PXN: variants seen among roughly 807,000 people sequenced by gnomAD.
PXN encodes paxillin.
Under a neutral mutation model 103.6 loss-of-function variants are expected in PXN, and 61 were observed. That is an observed-to-expected ratio of 0.59 (90% CI 0.48 to 0.73). PXN has a LOEUF of 0.73. Among genes scored for constraint, PXN ranks in the 30% least tolerant of loss-of-function variants. PXN has a pLI of 0.00. For synonymous variants in PXN, 562 were observed against 607.8 expected (o/e 0.92, Z 1.11); for missense variants, 1,274 against 1,460.3 (o/e 0.87, Z 2.08).
intron 1 of PXN, among the ~76,000 whole-genome samples, chr12:120,255,485 A>G (rs1182859): frequency 0.27 from 41,729 of 152,020 alleles, 8,428 homozygotes; most frequent in East Asian, 0.57. Context: ...CACAAGGTCA[A>G]GAGTTCAAGA....
chr12:120,263,880 G>A (rs915797687), intron 1 of PXN, among the ~76,000 whole-genome samples: 7 of 152,104 alleles, frequency 4.6e-5, no homozygotes, highest in African/African-American at 7.2e-5. Context: ...GAAACAGCAC[G>A]GGGACTGCCG....
chr12:120,223,138 G>A (rs755716677), intron 3 of PXN, 139 bp from the exon 4 acceptor site: 7 of 1,439,838 alleles, frequency 4.9e-6, no homozygotes, highest in African/African-American at 1.4e-5. Context: ...GGTAGGGAAG[G>A]GATGTGGTAA....
In PXN at chr12:120,216,621, C is replaced by T. The variant is rs961230648; in HGVS notation, c.1993-40G>A. 5.2e-5 allele frequency: 79 copies of T among 1,513,952 alleles called. No homozygotes were observed. The East Asian group carries it at 1.3e-3, about 25-fold the overall frequency. The allele number at this position is 1,513,952 out of a possible 1,614,324, so 93.8% of individuals were successfully genotyped here. ...GGAGGGAGAGCGATGAGGAAGAAAT[C>T]GCCAGCTCAGCCCACAGGGGTGGCG... On this transcript the variant is annotated intron_variant, in intron 8 of 14. Transcript: ENST00000637617. This position sits in a 1 kb window ranked among gnomAD's most constrained non-coding sequence, Gnocchi z 5.1.
rs926411628 is a variant in PXN, at chr12:120,219,053, C to G, written c.1716+154G>C. Reference sequence around the variant, plus strand: ...ATGCTGGGTCCACAGAGCCCACTGCCAAGTGCTGACTGTCAGGTCCGGCCA... The same window carrying G: ...ATGCTGGGTCCACAGAGCCCACTGCGAAGTGCTGACTGTCAGGTCCGGCCA... On this transcript the variant is annotated intron_variant, in intron 7 of 14. Coordinates refer to ENST00000637617, the MANE Select transcript of PXN (RefSeq NM_001385981.1). The surrounding 1 kb of genome is among the most constrained non-coding windows in gnomAD (Gnocchi z 6.5). Among the ~76,000 whole-genome samples the G allele has an allele frequency of 1.3e-5, 2 of 152,262 alleles. No homozygotes were observed.
In PXN at chr12:120,213,668, A is replaced by G. The variant is rs1286156219; in HGVS notation, c.2979+174T>C. ...GCTCCTGGTTTGTCCCAGCCTCAGT[A>G]CAAACCCTGGCCCAGGACCTACTGG... On this transcript the variant is annotated intron_variant, in intron 14 of 14. Coordinates refer to ENST00000637617, the MANE Select transcript of PXN (RefSeq NM_001385981.1). This position sits in a 1 kb window ranked among gnomAD's most constrained non-coding sequence, Gnocchi z 4.2. Among the ~76,000 whole-genome samples, 1 of 152,202 alleles carries G rather than the reference A, an allele frequency of 6.6e-6. No individual in the cohort carries two copies. Among genetic ancestry groups the G allele is most frequent in the Non-Finnish European group, 1.5e-5 (1 of 68,026 alleles).
At chr12:120,249,182 C>G (rs891763991) in intron 1 of PXN, among the ~76,000 whole-genome samples, 1 of 151,954 alleles carries the variant, frequency 6.6e-6, no homozygotes, top group South Asian at 2.1e-4. Context: ...CCACAAAACC[C>G]CTTTTGTAAT....
Position 120,215,994 on chromosome 12 carries a change from T to G in PXN, c.2301+279A>C, listed in dbSNP as rs1468217675. The G allele has an allele frequency of 8.1e-6, 11 of 1,360,020 alleles. No homozygotes were observed. The highest frequency in any genetic ancestry group is 5.9e-5 in the African/African-American group (4 of 67,530). The allele number at this position is 1,360,020 out of a possible 1,614,324, so 84.2% of individuals were successfully genotyped here. A position where few individuals can be genotyped will look rare whatever the true frequency, so the allele number is the denominator to read the frequency against. ...TTCTGGTCTCCCTTCTGGAGTGGCT[T>G]CTTTCCTCGATGGGAGCCCGGGGCA... On this transcript the variant is annotated intron_variant, in intron 9 of 14. Coordinates refer to ENST00000637617, the MANE Select transcript of PXN (RefSeq NM_001385981.1). The surrounding 1 kb of genome is among the most constrained non-coding windows in gnomAD (Gnocchi z 4.9).
At chr12:120,245,870 G>T (rs1024925234) in intron 1 of PXN, among the ~76,000 whole-genome samples, 1 of 151,984 alleles carries the variant, frequency 6.6e-6, no homozygotes, top group Non-Finnish European at 1.5e-5. Context: ...CATAGTACGG[G>T]TTTCATAATA....
Position 120,229,431 on chromosome 12 carries a change from C to T in PXN, c.14-5054G>A, listed in dbSNP as rs1470429713. ...TCTGAGGGGGTGGGAGGACCCAGAG[C>T]GATTCCATTCTCTCCTCCCAGGCTC... is the stretch of plus-strand genomic sequence containing the variant. On this transcript the variant is annotated intron_variant, in intron 1 of 14. Transcript: ENST00000637617. This position sits in a 1 kb window ranked among gnomAD's most constrained non-coding sequence, Gnocchi z 4.0. Among the ~76,000 whole-genome samples the T allele has an allele frequency of 3.9e-5, 6 of 152,242 alleles. No individual in the cohort carries two copies. The highest frequency in any genetic ancestry group is 5.9e-5 in the Non-Finnish European group (4 of 68,012).
intron 1 of PXN, among the ~76,000 whole-genome samples, chr12:120,259,878 T>A (rs959445060): frequency 3.9e-5 from 6 of 152,202 alleles, no homozygotes; most frequent in African/African-American, 1.4e-4. Flanking sequence ...TTCCTGATTC[T>A]CTCTTCCTCT....
chr12:120,222,506 G>T lies in PXN; in HGVS notation c.695+43C>A. On this transcript the variant is annotated intron_variant, in intron 5 of 14. Transcript: ENST00000637617. The surrounding 1 kb of genome is among the most constrained non-coding windows in gnomAD (Gnocchi z 4.7). ...CAGACACTGGACCCGGGGCAGGCTGGGCCAGCCCTTCCCCACCTGGGGAGG... is the reference window on the plus strand; with the variant it reads ...CAGACACTGGACCCGGGGCAGGCTGTGCCAGCCCTTCCCCACCTGGGGAGG... The T allele has an allele frequency of 6.5e-7, 1 of 1,543,482 alleles. No individual in the cohort carries two copies. The highest frequency in any genetic ancestry group is 2.0e-5 in the Admixed American group (1 of 50,172).
rs1881693213 is a variant in PXN, at chr12:120,214,287, C to T, written c.2749-70G>A. ...CTCACAACTGAGACGCCCAGCAAGG[C>T]CGTCCTTCCACCCGCAGCTCATAGC... On this transcript the variant is annotated intron_variant, in intron 12 of 14. Coordinates refer to ENST00000637617, the MANE Select transcript of PXN (RefSeq NM_001385981.1). The surrounding 1 kb of genome is among the most constrained non-coding windows in gnomAD (Gnocchi z 5.0). The T allele has an allele frequency of 7.4e-7, 1 of 1,360,212 alleles. No homozygotes were observed. 84.3% of individuals were successfully genotyped at this position (1,360,212 alleles called of 1,614,324 possible). A position where few individuals can be genotyped will look rare whatever the true frequency, so the allele number is the denominator to read the frequency against.
intron 1 of PXN, among the ~76,000 whole-genome samples, chr12:120,263,596 C>A (rs1046241938): frequency 6.6e-6 from 1 of 152,314 alleles, no homozygotes; most frequent in East Asian, 1.9e-4. Flanking sequence ...AGCCTCTCTT[C>A]GTCTCGGCTT....
intron 1 of PXN, among the ~76,000 whole-genome samples, chr12:120,243,227 T>C (rs1890464615): frequency 6.6e-6 from 1 of 152,218 alleles, no homozygotes; most frequent in South Asian, 2.1e-4. Context: ...TAGCTTAGTT[T>C]ATCTTCTTCA....
In PXN at chr12:120,224,305, G is replaced by T. The variant is rs768068233; in HGVS notation, c.86C>A (p.Thr29Asn). Residue 29 changes from threonine to asparagine, a missense_variant, in exon 2 of 15, where the codon ACC (threonine) becomes AAC (asparagine). Coordinates refer to ENST00000637617, the MANE Select transcript of PXN (RefSeq NM_001385981.1). This position sits in a 1 kb window ranked among gnomAD's most constrained non-coding sequence, Gnocchi z 5.0. ...GTTTCCAGTTGGGTATGAGTAGGGG[G>T]TCTCCTCCGACAAGAACACAGGCCG... ...SKRPVFLSEE[T>N]PYSYPTGNHT... is the part of the protein sequence containing the mutation. The T allele has an allele frequency of 6.2e-6, 10 of 1,613,978 alleles. No homozygotes were observed. Among genetic ancestry groups the T allele is most frequent in the Middle Eastern group, 3.3e-4 (2 of 6,062 alleles).
At chr12:120,249,650 CAA>C (rs1160583308) in intron 1 of PXN, among the ~76,000 whole-genome samples, 1 of 152,184 alleles carries the variant, frequency 6.6e-6, no homozygotes, top group Non-Finnish European at 1.5e-5. Context: ...CAGATGACCA[CAA>C]GTGACCACAG....
rs1322419547 is a variant in PXN, at chr12:120,228,543, C to T, written c.14-4166G>A. On this transcript the variant is annotated intron_variant, in intron 1 of 14. Coordinates refer to ENST00000637617, the MANE Select transcript of PXN (RefSeq NM_001385981.1). The surrounding 1 kb of genome is among the most constrained non-coding windows in gnomAD (Gnocchi z 4.7). ...GAGGGCACCATTGGCCCGTCAGCTT[C>T]TTGCCACTGGGTAACCTCGTGCAAT... Among the ~76,000 whole-genome samples the T allele has an allele frequency of 6.6e-6, 1 of 152,242 alleles. No homozygotes were observed. Among genetic ancestry groups the T allele is most frequent in the Non-Finnish European group, 1.5e-5 (1 of 68,042 alleles).
intron 1 of PXN, among the ~76,000 whole-genome samples, chr12:120,237,666 C>T (rs1336088821): frequency 6.6e-6 from 1 of 152,178 alleles, no homozygotes; most frequent in Non-Finnish European, 1.5e-5. Context: ...AGCTGACCCT[C>T]AGTGACCCTT....
At chr12:120,235,929 T>C (rs1888951887) in intron 1 of PXN, among the ~76,000 whole-genome samples, 1 of 152,066 alleles carries the variant, frequency 6.6e-6, no homozygotes, top group Non-Finnish European at 1.5e-5. Flanking sequence ...TCAGAATCAT[T>C]AAGAGACACA....
Sources: allele counts gnomAD v4.1 joint callset (sites outside exome capture counted in the v4.1 genomes callset), GRCh38; gene constraint gnomAD v4.1.1; non-coding constraint Gnocchi (gnomAD v3.1); transcripts MANE v1.5; gene names NCBI Gene and HGNC (gene_info 2026-07-23, HGNC 2026-07-21).